GRM5: variants seen among roughly 807,000 people sequenced by gnomAD.
The protein encoded by GRM5 is metabotropic glutamate receptor 5.
In GRM5, 19 loss-of-function variants were observed where a neutral mutation model predicts 83.1. That is an observed-to-expected ratio of 0.23 (90% CI 0.16 to 0.34). The LOEUF (loss-of-function observed/expected upper bound fraction) is 0.34, where lower values mean the gene tolerates loss of function less well. GRM5 is among the 10% of genes least tolerant of loss of function. GRM5 has a pLI of 1.00. For synonymous variants in GRM5, 675 were observed against 633.6 expected (o/e 1.07, Z -0.98); for missense variants, 1,160 against 1,588.3 (o/e 0.73, Z 4.58).
At chr11:88,612,258 AT>A (rs1938341562) in intron 4 of GRM5, among the ~76,000 whole-genome samples, 1 of 149,582 alleles carries the variant, frequency 6.7e-6, no homozygotes, top group Admixed American at 6.7e-5. Context: ...GAGAATGATG[AT>A]TTCCAATTTC....
chr11:88,837,091 GGTTT>G (rs1346458070), intron 3 of GRM5, among the ~76,000 whole-genome samples: 1 of 151,886 alleles, frequency 6.6e-6, no homozygotes, highest in African/African-American at 2.4e-5. Context: ...AATTGCTCCT[GGTTT>G]GTTAATCTTA....
intron 8 of GRM5, among the ~76,000 whole-genome samples, chr11:88,535,082 G>A (rs564694787): frequency 8.5e-5 from 13 of 152,166 alleles, no homozygotes; most frequent in Non-Finnish European, 1.3e-4. Flanking sequence ...GCACAGTCTC[G>A]GGTATGTCTT....
At chr11:89,000,983 T>C (rs1175362323) in intron 2 of GRM5, among the ~76,000 whole-genome samples, 1 of 151,268 alleles carries the variant, frequency 6.6e-6, no homozygotes, top group Non-Finnish European at 1.5e-5. Context: ...GAAATGCAAA[T>C]TAAAACCACA....
At chr11:88,945,097 G>T (rs1203307468) in intron 2 of GRM5, among the ~76,000 whole-genome samples, 2 of 149,550 alleles carry the variant, frequency 1.3e-5, no homozygotes, top group Non-Finnish European at 3.0e-5. Flanking sequence ...AATCAAGAAT[G>T]CAATTTCATT....
chr11:88,775,171 G>A (rs549943280), intron 3 of GRM5, among the ~76,000 whole-genome samples: 1 of 152,286 alleles, frequency 6.6e-6, no homozygotes, highest in South Asian at 2.1e-4. Flanking sequence ...AGTCTTGGGA[G>A]CGTGTATGCG....
intron 4 of GRM5, among the ~76,000 whole-genome samples, chr11:88,628,740 A>T (rs2135268097): frequency 6.6e-6 from 1 of 152,334 alleles, no homozygotes. Flanking sequence ...CTATGACAAC[A>T]GACTCAAATA....
chr11:88,660,782 T>A (rs1462269844), intron 3 of GRM5, among the ~76,000 whole-genome samples: 1 of 152,212 alleles, frequency 6.6e-6, no homozygotes, highest in Admixed American at 6.6e-5. Flanking sequence ...GTTAATAGTT[T>A]CACACTCCTA....
intron 5 of GRM5, among the ~76,000 whole-genome samples, chr11:88,601,629 T>C (rs1354964993): frequency 6.6e-6 from 1 of 152,208 alleles, no homozygotes; most frequent in East Asian, 1.9e-4. Context: ...ACCCATGTAC[T>C]TACAAACCCC....
intron 2 of GRM5, among the ~76,000 whole-genome samples, chr11:88,898,690 TC>T (rs1185629698): frequency 6.6e-6 from 1 of 151,940 alleles, no homozygotes; most frequent in African/African-American, 2.4e-5. Context: ...TATAAAACTT[TC>T]CCTTTTCTCC....
chr11:88,591,127 C>T (rs1261815534), intron 6 of GRM5, among the ~76,000 whole-genome samples: 1 of 152,174 alleles, frequency 6.6e-6, no homozygotes, highest in Non-Finnish European at 1.5e-5. Context: ...TAGCTTCCTT[C>T]CCTCCATTAG....
chr11:88,807,334 C>T (rs1374459607), intron 3 of GRM5, among the ~76,000 whole-genome samples: 1 of 152,126 alleles, frequency 6.6e-6, no homozygotes, highest in Non-Finnish European at 1.5e-5. Flanking sequence ...ACCTACAAAC[C>T]TATACTAGAC....
At chr11:88,905,492 T>C (rs518296) in intron 2 of GRM5, among the ~76,000 whole-genome samples, 150,594 of 152,162 alleles carry the variant, frequency 0.99, 74,544 homozygotes, top group East Asian at 1. Flanking sequence ...TGGGTGCCCA[T>C]CATTACACCT....
chr11:88,887,950 G>A (rs915809795), intron 2 of GRM5, among the ~76,000 whole-genome samples: 4 of 152,166 alleles, frequency 2.6e-5, no homozygotes, highest in East Asian at 1.9e-4. Context: ...CAACTTCCAG[G>A]GGAACCACCC....
At chr11:88,693,549 T>C (rs1048670693) in intron 3 of GRM5, among the ~76,000 whole-genome samples, 1 of 152,164 alleles carries the variant, frequency 6.6e-6, no homozygotes, top group Non-Finnish European at 1.5e-5. Flanking sequence ...CTTAGTCTAA[T>C]GTCAAATGGG....
chr11:89,040,354 A>AAAAAC (rs940021918), intron 2 of GRM5, among the ~76,000 whole-genome samples: 2 of 152,170 alleles, frequency 1.3e-5, no homozygotes, highest in Admixed American at 6.5e-5. Flanking sequence ...CTGCAAAAAC[A>AAAAAC]AAAACAAAAC....
chr11:88,647,057 T>C (rs1364587149), intron 4 of GRM5, among the ~76,000 whole-genome samples: 2 of 152,188 alleles, frequency 1.3e-5, no homozygotes, highest in East Asian at 3.9e-4. Flanking sequence ...CGTCAATCCT[T>C]GATATTCCCT....
intron 2 of GRM5, among the ~76,000 whole-genome samples, chr11:88,973,082 C>G (rs1344776975): frequency 6.6e-6 from 1 of 151,914 alleles, no homozygotes; most frequent in Non-Finnish European, 1.5e-5. Flanking sequence ...TGAATAAAAC[C>G]ACTGATTATG....
At chr11:88,730,263 A>G (rs1166623132) in intron 3 of GRM5, among the ~76,000 whole-genome samples, 1 of 152,202 alleles carries the variant, frequency 6.6e-6, no homozygotes. Flanking sequence ...GCCAACAAAC[A>G]TATAAAAAAA....
chr11:88,608,730 C>T (rs1319741014), intron 4 of GRM5, among the ~76,000 whole-genome samples: 1 of 151,886 alleles, frequency 6.6e-6, no homozygotes, highest in Non-Finnish European at 1.5e-5. Context: ...CCATGTTAGC[C>T]AGGATGGTCT....
Sources: gnomAD v4.1 joint callset for allele counts (sites outside exome capture counted in the v4.1 genomes callset) on GRCh38, gnomAD v4.1.1 for gene constraint, MANE v1.5 for transcripts, NCBI Gene and HGNC (gene_info 2026-07-23, HGNC 2026-07-21) for gene names.